Variants in SSU72 observed in about 807,000 individuals in gnomAD.
The protein encoded by SSU72 is RNA polymerase II subunit A C-terminal domain phosphatase SSU72.
SSU72 carries 12 observed loss-of-function variants against 22.7 expected under a neutral mutation model. The ratio of observed to expected loss-of-function variants is 0.53; its 90% CI spans 0.34 to 0.86. The LOEUF (loss-of-function observed/expected upper bound fraction) is 0.86, where lower values mean the gene tolerates loss of function less well. Among genes scored for constraint, SSU72 ranks in the 40% least tolerant of loss-of-function variants. SSU72 has a pLI of 0.02. For missense variants in SSU72, 151 were observed against 249.8 expected, an observed-to-expected ratio of 0.60 and a Z score of 2.67; for synonymous variants, 116 against 98.3, an observed-to-expected ratio of 1.18 and a Z score of -1.06.
chr1:1,549,855 T>A (rs1240776799), intron 2 of SSU72, among the ~76,000 whole-genome samples: 1 of 151,374 alleles, frequency 6.6e-6, no homozygotes. Flanking sequence ...GTGCCTGTAA[T>A]CCCACTGCTC....
intron 1 of SSU72, among the ~76,000 whole-genome samples, chr1:1,572,529 T>G (rs1642743943): frequency 6.7e-6 from 1 of 149,110 alleles, no homozygotes; most frequent in African/African-American, 2.5e-5. Context: ...TGATCTCGGC[T>G]CAATGCAAGC....
intron 2 of SSU72, among the ~76,000 whole-genome samples, chr1:1,546,867 A>G (rs1484478372): frequency 1.7e-5 from 2 of 120,032 alleles, no homozygotes; most frequent in African/African-American, 6.2e-5. Context: ...CAACAAAAAA[A>G]AAAAAAAAAA....
chr1:1,564,527 G>C, intron 2 of SSU72: 1 of 1,538,132 alleles, frequency 6.5e-7, no homozygotes. Context: ...ACCCTCTGCT[G>C]AACCACGTCA....
rs1252019353 is a variant in SSU72 at position 1,541,941 on chromosome 1, A to G, written c.*125T>C. 2 of 847,902 alleles carry G rather than the reference A, an allele frequency of 2.4e-6. No homozygotes were observed. The highest frequency in any genetic ancestry group is 3.7e-6 in the Non-Finnish European group (2 of 540,638). The allele number at this position is 847,902 out of a possible 1,614,324, so 52.5% of individuals were successfully genotyped here. On this transcript the variant is annotated 3_prime_UTR_variant, in exon 5 of 5. Transcript: ENST00000291386. ...TTTGGCATCTCCTCTCCCATTTCATATGCACAGTTTATTTGGGTAATGCTA... is the reference window on the plus strand; with the variant it reads ...TTTGGCATCTCCTCTCCCATTTCATGTGCACAGTTTATTTGGGTAATGCTA...
At chr1:1,573,788 G>C (rs1642769492) in intron 1 of SSU72, among the ~76,000 whole-genome samples, 1 of 152,154 alleles carries the variant, frequency 6.6e-6, no homozygotes, top group South Asian at 2.1e-4. Context: ...TATCAAAGTT[G>C]ACACATACCA....
chr1:1,555,475 G>A (rs1570389640), intron 2 of SSU72, among the ~76,000 whole-genome samples: 1 of 152,190 alleles, frequency 6.6e-6, no homozygotes, highest in East Asian at 1.9e-4. Context: ...GGTGGCGGCT[G>A]TGGCAGGCAT....
intron 2 of SSU72, among the ~76,000 whole-genome samples, chr1:1,549,031 G>A (rs1166625749): frequency 6.6e-6 from 1 of 152,112 alleles, no homozygotes; most frequent in Non-Finnish European, 1.5e-5. Context: ...CCAGCTACTC[G>A]GGAGGCCGAG....
rs56930035 is a variant in SSU72 at position 1,573,429 on chromosome 1, CAAAAA to C, written c.80+1044_80+1048del. ...TGGGCGACAGAGCAAGACTCTGTCTCAAAAAAAAAAAAAAAAAAAAAAAAAAAGAA... is the reference window on the plus strand; with the variant it reads ...TGGGCGACAGAGCAAGACTCTGTCTCAAAAAAAAAAAAAAAAAAAAAAGAA... On this transcript the variant is annotated intron_variant, in intron 1 of 4. Transcript: ENST00000291386. Among the ~76,000 whole-genome samples the C allele has an allele frequency of 7.9e-3, 842 of 107,028 alleles. 2 individuals carry two copies. The highest frequency in any genetic ancestry group is 0.02 in the African/African-American group (764 of 37,952). The allele number at this position is 107,028 out of a possible 152,430, so 70.2% of individuals were successfully genotyped here.
intron 2 of SSU72, chr1:1,545,765 G>C (rs527755564): frequency 6.6e-6 from 1 of 152,174 alleles, no homozygotes; most frequent in East Asian, 1.9e-4. Flanking sequence ...AACAGAGCAA[G>C]ACTGTCTCAA....
intron 2 of SSU72, 91 bp from the exon 3 acceptor site, chr1:1,545,093 GC>G: frequency 6.7e-7 from 1 of 1,490,062 alleles, no homozygotes; most frequent in East Asian, 2.3e-5. Context: ...CCCCTTCCCT[GC>G]CCCACAGCAG....
At chr1:1,550,497 G>A (rs966638706) in intron 2 of SSU72, among the ~76,000 whole-genome samples, 21 of 152,208 alleles carry the variant, frequency 1.4e-4, no homozygotes, top group African/African-American at 4.6e-4. Context: ...AGACACCAGC[G>A]GACACCACAG....
chr1:1,549,636 C>A (rs530449685), intron 2 of SSU72, among the ~76,000 whole-genome samples: 1 of 150,952 alleles, frequency 6.6e-6, no homozygotes, highest in East Asian at 2.0e-4. Context: ...GTCAGGAGTT[C>A]GAGACCAGCC....
At chr1:1,557,085 T>C (rs563808255) in intron 2 of SSU72, among the ~76,000 whole-genome samples, 3 of 151,938 alleles carry the variant, frequency 2.0e-5, no homozygotes, top group South Asian at 2.1e-4. Context: ...CACATTCATT[T>C]GTTTGACAAA....
Position 1,564,341 on chromosome 1 carries a change from C to A in SSU72, c.224+432G>T, listed in dbSNP as rs1263770238. ...CCCTCTTCTTTATCTGACCTTCTAA[C>A]GACCTCACCAGATGTGTGAAGCAGC... On this transcript the variant is annotated intron_variant, in intron 2 of 4. Transcript: ENST00000291386. The A allele has an allele frequency of 8.5e-6, 7 of 820,552 alleles. No homozygotes were observed. The East Asian group carries it at 1.7e-4, about 20-fold the overall frequency. The allele number at this position is 820,552 out of a possible 1,614,324, so 50.8% of individuals were successfully genotyped here.
intron 1 of SSU72, among the ~76,000 whole-genome samples, chr1:1,568,981 G>A (rs1364782362): frequency 6.6e-6 from 1 of 152,142 alleles, no homozygotes; most frequent in Non-Finnish European, 1.5e-5. Context: ...AGACCAGCCT[G>A]GCCAACATGG....
intron 1 of SSU72, among the ~76,000 whole-genome samples, chr1:1,567,417 G>A (rs1366674798): frequency 6.6e-6 from 1 of 152,140 alleles, no homozygotes; most frequent in African/African-American, 2.4e-5. Context: ...CTACAAACCC[G>A]TGTTCACGGC....
chr1:1,550,173 C>CAA (rs1169411955), intron 2 of SSU72, among the ~76,000 whole-genome samples: 116 of 79,348 alleles, frequency 1.5e-3, no homozygotes, highest in African/African-American at 4.7e-3. Context: ...GAGAGTGTCT[C>CAA]AAAAAAAAAA....
chr1:1,556,830 G>A (rs570769398), intron 2 of SSU72, among the ~76,000 whole-genome samples: 2 of 152,304 alleles, frequency 1.3e-5, no homozygotes, highest in East Asian at 3.9e-4. Flanking sequence ...CTGACCCTGG[G>A]CTACCTCTTG....
rs758921958 is a variant in SSU72 at position 1,574,861 on chromosome 1, C to T, written c.-304G>A. 3 of 361,508 alleles carry T rather than the reference C, an allele frequency of 8.3e-6. No homozygotes were observed. The highest frequency in any genetic ancestry group is 3.7e-5 in the Admixed American group (1 of 26,990). 22.4% of individuals were successfully genotyped at this position (361,508 alleles called of 1,614,324 possible). A position where few individuals can be genotyped will look rare whatever the true frequency, so the allele number is the denominator to read the frequency against. On this transcript the variant is annotated 5_prime_UTR_variant, in exon 1 of 5. Coordinates refer to ENST00000291386, the MANE Select transcript of SSU72 (RefSeq NM_014188.3). ...CACTCCACAAGGCCCGGCTGAGCGT[C>T]ACGGCGCCAAGCGGCGGCGTCCTGA...
Sources: allele counts gnomAD v4.1 joint callset (sites outside exome capture counted in the v4.1 genomes callset), GRCh38; gene constraint gnomAD v4.1.1; transcripts MANE v1.5; gene names NCBI Gene and HGNC (gene_info 2026-07-23, HGNC 2026-07-21).